IQSEC2: variants seen among roughly 807,000 people sequenced by gnomAD.
IQSEC2 encodes the protein IQ motif and Sec7 domain ArfGEF 2.
A neutral mutation model predicts 74.6 loss-of-function variants in IQSEC2; 6 were observed. The ratio of observed to expected loss-of-function variants is 0.08; its 90% CI spans 0.04 to 0.16. The LOEUF is 0.16. Among genes scored for constraint, IQSEC2 ranks in the 10% least tolerant of loss-of-function variants. IQSEC2 has a pLI of 1.00. For missense variants in IQSEC2, 734 were observed against 1,306.2 expected, an observed-to-expected ratio of 0.56 and a Z score of 6.75; for synonymous variants, 494 against 544.5, an observed-to-expected ratio of 0.91 and a Z score of 1.29.
At chrX:53,248,985 A>T in intron 5 of IQSEC2, 103 bp from the exon 6 acceptor site, 1 of 791,381 alleles carries the variant, frequency 1.3e-6, no homozygotes, top group Non-Finnish European at 1.9e-6. Context: ...CCGGCCTCAG[A>T]GGACCAACGA....
intron 8 of IQSEC2, 64 bp from the exon 9 acceptor site, chrX:53,243,535 C>T: frequency 9.0e-7 from 1 of 1,106,058 alleles, no homozygotes. Flanking sequence ...TAGGGGTGCT[C>T]CACCACCCCC....
In IQSEC2 at chrX:53,254,845, G is replaced by A; in HGVS notation, c.1086C>T (p.Arg362=). The A allele has an allele frequency of 8.3e-7, 1 of 1,208,882 alleles. No individual in the cohort carries two copies. Among genetic ancestry groups the A allele is most frequent in the African/African-American group, 1.7e-5 (1 of 57,823 alleles). The change falls in exon 4 of 15, where the codon CGC becomes CGT. Residue 362 remains arginine, a synonymous_variant. Coordinates refer to ENST00000642864, the MANE Select transcript of IQSEC2 (RefSeq NM_001111125.3). The part of the protein sequence containing the change: ...RTIQTAFRQY[R]MNKNFERLRS... ...GTAGCCGCTCAAAGTTCTTGTTCAT[G>A]CGGTACTGGCGGAAGGCTGTCTGGA...
At position 53,279,400 on chromosome X, in the gene IQSEC2, C is replaced by T. The variant is rs1181878881; in HGVS notation, c.737+12495G>A. ...ACAAATTAGATAGATCCCAAATGTC[C>T]TCTTTGGTCTGCTGACCTGATCTTC... On this transcript the variant is annotated intron_variant, in intron 2 of 14. Coordinates refer to ENST00000642864, the MANE Select transcript of IQSEC2 (RefSeq NM_001111125.3). The T allele has an allele frequency of 4.0e-5, 17 of 419,792 alleles. No homozygotes were observed. In the East Asian group the frequency reaches 4.9e-4, roughly 12 times the overall value. The allele number at this position is 419,792 out of a possible 1,213,427, so 34.6% of individuals were successfully genotyped here.
intron 13 of IQSEC2, 124 bp from the exon 14 acceptor site, chrX:53,235,956 C>A: frequency 1.5e-6 from 1 of 662,438 alleles, no homozygotes; most frequent in Non-Finnish European, 2.3e-6. Flanking sequence ...TCCCTTTCCC[C>A]CATTGAAGAG....
chrX:53,308,415 C>G (rs1446174956), intron 1 of IQSEC2, among the ~76,000 whole-genome samples: 22 of 110,482 alleles, frequency 2.0e-4, no homozygotes, highest in Non-Finnish European at 3.4e-4. Context: ...GGTTGTGTAA[C>G]TGTGAGTAAT....
chrX:53,311,190 C>G (rs1380571943), intron 1 of IQSEC2, among the ~76,000 whole-genome samples: 5 of 103,380 alleles, frequency 4.8e-5, no homozygotes, highest in Admixed American at 1.1e-4. Context: ...GGTGACTCTT[C>G]TAATCAGCGT....
downstream of IQSEC2, chrX:53,227,658 G>A (rs2074048278): frequency 3.3e-6 from 1 of 299,599 alleles, no homozygotes; most frequent in Non-Finnish European, 6.0e-6. Context: ...AAAGGAGGCA[G>A]AGGCCTGGCC....
intron 8 of IQSEC2, 147 bp from the exon 9 acceptor site, chrX:53,243,618 G>A: frequency 1.2e-6 from 1 of 836,496 alleles, no homozygotes; most frequent in Non-Finnish European, 1.6e-6. Flanking sequence ...CCAGGATTGG[G>A]GCAGGGAGGG....
chrX:53,308,835 C>T lies in IQSEC2; in HGVS notation c.707+11582G>A, dbSNP rs1468122244. ...GGGAGGGGCCGGGCGCAGTGGCTCA[C>T]CCCTGCAATCCCAGCACTCTGGAAG... On this transcript the variant is annotated intron_variant, in intron 1 of 14. Transcript: ENST00000642864. Among the ~76,000 whole-genome samples the T allele has an allele frequency of 8.1e-5, 9 of 110,535 alleles. 1 individual carries two copies. The highest frequency in any genetic ancestry group is 2.6e-4 in the African/African-American group (8 of 30,360).
chrX:53,273,178 T>C, intron 2 of IQSEC2, among the ~76,000 whole-genome samples: 1 of 109,079 alleles, frequency 9.2e-6, no homozygotes, highest in Admixed American at 9.9e-5. Flanking sequence ...CAAGACCATT[T>C]CTGGTGGAGG....
chrX:53,280,677 G>C (rs1347430114), intron 2 of IQSEC2, among the ~76,000 whole-genome samples: 1 of 111,130 alleles, frequency 9.0e-6, no homozygotes, highest in Non-Finnish European at 1.9e-5. Flanking sequence ...CCCTAGTGCA[G>C]GGTCCAAAGA....
At chrX:53,278,522 A>G (rs1306321199) in intron 2 of IQSEC2, among the ~76,000 whole-genome samples, 2 of 111,359 alleles carry the variant, frequency 1.8e-5, no homozygotes, top group East Asian at 2.8e-4. Context: ...CATTTCATTA[A>G]TTTCTGGTTT....
At chrX:53,266,930 T>C (rs1556867795) in intron 2 of IQSEC2, 10 of 1,147,679 alleles carry the variant, frequency 8.7e-6, no homozygotes, top group Non-Finnish European at 1.2e-5. Flanking sequence ...TTAAGGCTTT[T>C]GCTTCTGCAT....
intron 2 of IQSEC2, among the ~76,000 whole-genome samples, chrX:53,258,920 G>A (rs1290137541): frequency 6.3e-5 from 7 of 111,073 alleles, no homozygotes; most frequent in South Asian, 3.8e-4. Context: ...GCCTGGCGCC[G>A]TGGATCATGC....
intron 2 of IQSEC2, among the ~76,000 whole-genome samples, chrX:53,287,554 G>C (rs2075045080): frequency 8.8e-6 from 1 of 113,113 alleles, no homozygotes; most frequent in Non-Finnish European, 1.9e-5. Context: ...ACGCTGCCAT[G>C]CAGCAGTGCA....
Position 53,234,662 on chromosome X carries a change from C to T in IQSEC2, c.4024G>A (p.Ala1342Thr). The change falls in exon 15 of 15, where the codon GCA (alanine) becomes ACA (threonine). Residue 1342 changes from alanine to threonine, a missense_variant. This residue lies in a region of IQSEC2 where 249 missense variants were observed against 467.9 expected (regional missense o/e 0.53). Coordinates refer to ENST00000642864, the MANE Select transcript of IQSEC2 (RefSeq NM_001111125.3). Reference sequence around the variant, plus strand: ...TGTCCTCCAGCCCCCCGTCTGGGTGCCCTGCCTGGCCGGCCCAAGGTATAG... The same window carrying T: ...TGTCCTCCAGCCCCCCGTCTGGGTGTCCTGCCTGGCCGGCCCAAGGTATAG... ...QHYTLGRPGR[A>T]PRRGAGGHPQ... The T allele has an allele frequency of 8.8e-7, 1 of 1,137,773 alleles. No individual in the cohort carries two copies. The allele number at this position is 1,137,773 out of a possible 1,213,427, so 93.8% of individuals were successfully genotyped here. A position where few individuals can be genotyped will look rare whatever the true frequency, so the allele number is the denominator to read the frequency against.
At chrX:53,317,786 T>C (rs2075392780) in intron 1 of IQSEC2, among the ~76,000 whole-genome samples, 1 of 112,391 alleles carries the variant, frequency 8.9e-6, no homozygotes, top group Admixed American at 9.4e-5. Context: ...TCTCACCCAC[T>C]CCTTACAAAC....
chrX:53,239,299 G>T lies in IQSEC2; in HGVS notation c.3016-5C>A. ...CTTCTGGAAAATTTTGGTGACCTTT[G>T]GCAGGGGTGGGAAAAAGACAAGAGG... On this transcript the variant is annotated splice_region_variant and splice_polypyrimidine_tract_variant and intron_variant, in intron 10 of 14. Coordinates refer to ENST00000642864, the MANE Select transcript of IQSEC2 (RefSeq NM_001111125.3). 2.6e-6 allele frequency: 3 copies of T among 1,151,139 alleles called. No homozygotes were observed. Among genetic ancestry groups the T allele is most frequent in the Non-Finnish European group, 3.6e-6 (3 of 841,532 alleles). 94.9% of individuals were successfully genotyped at this position (1,151,139 alleles called of 1,213,427 possible).
chrX:53,294,043 A>G (rs1348832065), intron 1 of IQSEC2, among the ~76,000 whole-genome samples: 1 of 111,818 alleles, frequency 8.9e-6, no homozygotes, highest in Admixed American at 9.5e-5. Context: ...CCAGAAGCTC[A>G]GTGCCGGGCA....
Sources: allele counts gnomAD v4.1 joint callset (sites outside exome capture counted in the v4.1 genomes callset), GRCh38; gene constraint gnomAD v4.1.1; regional missense constraint gnomAD v4.1.1; transcripts MANE v1.5; gene names NCBI Gene and HGNC (gene_info 2026-07-23, HGNC 2026-07-21).